Variants in AKAP9 observed in about 807,000 individuals in gnomAD.
The protein encoded by AKAP9 is A-kinase anchor protein 9.
In AKAP9, 311 loss-of-function variants were observed where a neutral mutation model predicts 488.5. The observed-to-expected ratio is 0.64, with a 90% CI of 0.58 to 0.70. AKAP9 has a LOEUF of 0.70. Ranked by LOEUF, AKAP9 falls within the 30% of genes least tolerant of loss-of-function variation. The probability of loss-of-function intolerance (pLI) is 0.00; values close to 1 mark genes in which losing one functional copy is unlikely to be tolerated. For missense variants in AKAP9, 4,215 were observed against 4,374.5 expected (o/e 0.96, Z 1.03); for synonymous variants, 1,462 against 1,483.5 (o/e 0.99, Z 0.33).
intron 1 of AKAP9, among the ~76,000 whole-genome samples, chr7:91,965,411 ATTTTCT>A (rs1315295547): frequency 1.3e-5 from 2 of 152,074 alleles, no homozygotes; most frequent in East Asian, 1.9e-4. Context: ...TACATACCAC[ATTTTCT>A]TTATCCGTTT....
chr7:91,972,856 A>G (rs1795258252), intron 1 of AKAP9, among the ~76,000 whole-genome samples: 1 of 152,232 alleles, frequency 6.6e-6, no homozygotes, highest in Non-Finnish European at 1.5e-5. Context: ...GATGATATGT[A>G]AACGATTAAG....
intron 1 of AKAP9, among the ~76,000 whole-genome samples, chr7:91,943,132 G>A (rs1019343524): frequency 1.3e-5 from 2 of 151,982 alleles, no homozygotes; most frequent in Admixed American, 6.6e-5. Flanking sequence ...CCAGGAGTTC[G>A]AGGCTGCAGT....
chr7:92,065,155 C>T, intron 24 of AKAP9, 76 bp from the exon 25 acceptor site: 1 of 942,644 alleles, frequency 1.1e-6, no homozygotes, highest in Non-Finnish European at 1.6e-6. Flanking sequence ...AAAATTTGGA[C>T]ATAGTTATCA....
intron 22 of AKAP9, among the ~76,000 whole-genome samples, chr7:92,053,539 C>T (rs137857676): frequency 1.2e-4 from 18 of 152,234 alleles, no homozygotes; most frequent in Non-Finnish European, 2.2e-4. Context: ...ATTCATTTCC[C>T]CAGGCCAAGA....
At chr7:92,068,098 A>T (rs1027190562) in intron 26 of AKAP9, among the ~76,000 whole-genome samples, 1 of 151,972 alleles carries the variant, frequency 6.6e-6, no homozygotes, top group Non-Finnish European at 1.5e-5. Context: ...TGATGGCTCA[A>T]GCCTGTAATC....
intron 24 of AKAP9, among the ~76,000 whole-genome samples, chr7:92,064,730 T>C (rs1487428411): frequency 1.3e-5 from 2 of 152,224 alleles, no homozygotes; most frequent in Admixed American, 6.5e-5. Context: ...ATTTCAATTA[T>C]AGCTGTATTT....
rs781615824 is a variant in AKAP9, at chr7:92,016,261, G to A, written c.3745G>A (p.Val1249Ile). Reference protein sequence around the residue: ...DPELQDYRYEVQDFQENMHTL... With the variant: ...DPELQDYRYEIQDFQENMHTL... Reference sequence around the variant, plus strand: ...AGAATTACAAGATTATAGATATGAAGTTCAAGGTAATAAAAGCTTACCATA... The same window carrying A: ...AGAATTACAAGATTATAGATATGAAATTCAAGGTAATAAAAGCTTACCATA... Residue 1249 changes from valine (V) to isoleucine (I), a missense_variant, in exon 11 of 50, where the codon GTT (valine) becomes ATT (isoleucine). By Grantham distance (29) the Val-to-Ile change is conservative. Coordinates refer to ENST00000356239, the MANE Select transcript of AKAP9 (RefSeq NM_005751.5). The A allele has an allele frequency of 1.3e-6, 2 of 1,534,482 alleles. No individual in the cohort carries two copies. Among genetic ancestry groups the A allele is most frequent in the East Asian group, 2.3e-5 (1 of 44,344 alleles).
intron 1 of AKAP9, among the ~76,000 whole-genome samples, chr7:91,957,304 G>A (rs1402984720): frequency 4.6e-5 from 7 of 152,188 alleles, no homozygotes; most frequent in East Asian, 1.9e-4. Flanking sequence ...GAATATATAT[G>A]ACAACTATTT....
chr7:91,961,730 G>C (rs1793756681), intron 1 of AKAP9, among the ~76,000 whole-genome samples: 2 of 151,774 alleles, frequency 1.3e-5, no homozygotes, highest in South Asian at 4.2e-4. Context: ...TGTAGTCCCA[G>C]CTACTCGGGA....
At chr7:92,003,296 G>A (rs1757477248) in intron 8 of AKAP9, 61 bp downstream of exon 8, 1 of 1,279,898 alleles carries the variant, frequency 7.8e-7, no homozygotes, top group African/African-American at 1.5e-5. Context: ...TTCACACTAA[G>A]GTTTCACCTT....
At chr7:92,066,577 C>G (rs373503638) in intron 26 of AKAP9, 31 bp downstream of exon 26, 3 of 1,611,596 alleles carry the variant, frequency 1.9e-6, no homozygotes, top group East Asian at 2.2e-5. Context: ...GCCCAACTTA[C>G]AGTAATTTGT....
rs935194798 is a variant in AKAP9 at position 92,093,234 on chromosome 7, A to T, written c.9496A>T (p.Ser3166Cys). 1 of 1,614,008 alleles carries T rather than the reference A, an allele frequency of 6.2e-7. No homozygotes were observed. Among genetic ancestry groups the T allele is most frequent in the Non-Finnish European group, 8.5e-7 (1 of 1,180,026 alleles). The change falls in exon 39 of 50, where the codon AGT becomes TGT. Residue 3166 changes from serine (S) to cysteine (C), a missense_variant. Coordinates refer to ENST00000356239, the MANE Select transcript of AKAP9 (RefSeq NM_005751.5). The stretch of plus-strand genomic sequence containing the variant: ...GAAAATGGTGGTTGCTGAACTGAAG[A>T]GTGAGCTTGCACAAACTAAATTGGA... ...SEKMVVAELK[S>C]ELAQTKLELE...
chr7:91,990,035 G>T (rs1414398373), intron 3 of AKAP9, among the ~76,000 whole-genome samples: 1 of 151,988 alleles, frequency 6.6e-6, no homozygotes, highest in Admixed American at 6.6e-5. Context: ...TACCTCACTT[G>T]TACTTTCCCA....
intron 7 of AKAP9, 36 bp from the exon 8 acceptor site, chr7:92,000,812 A>G (rs1799059714): frequency 1.7e-6 from 2 of 1,155,322 alleles, no homozygotes; most frequent in Non-Finnish European, 2.4e-6. Flanking sequence ...AGAAGCTAAA[A>G]ATGCCATTCT....
Position 91,995,757 on chromosome 7 carries a change from T to G in AKAP9, c.887T>G (p.Met296Arg). 2 of 1,612,464 alleles carry G rather than the reference T, an allele frequency of 1.2e-6. No individual in the cohort carries two copies. Among genetic ancestry groups the G allele is most frequent in the Middle Eastern group, 1.6e-4 (1 of 6,062 alleles). The part of the protein sequence containing the change: ...DYQKKKEDFT[M>R]QISFLQEKIK... ...CAGAAAAAGAAAGAAGACTTCACAA[T>G]GCAAATTAGTTTCTTGCAAGAGAAA... The change falls in exon 7 of 50, where the codon ATG (methionine) becomes AGG (arginine). Residue 296 changes from methionine (M) to arginine (R), a missense_variant. By Grantham distance (91) the Met-to-Arg change is moderately conservative. Around this residue, in one of 5 missense-constraint regions of AKAP9, gnomAD observed 2,361 missense variants for 2,430.0 expected, o/e 0.97. Coordinates refer to ENST00000356239, the MANE Select transcript of AKAP9 (RefSeq NM_005751.5).
At chr7:92,058,737 C>T (rs528259386) in intron 22 of AKAP9, among the ~76,000 whole-genome samples, 5 of 152,028 alleles carry the variant, frequency 3.3e-5, no homozygotes, top group Non-Finnish European at 7.4e-5. Flanking sequence ...TTGAGAGACT[C>T]GGTATTATGA....
chr7:92,034,060 G>C (rs566874793), intron 16 of AKAP9, among the ~76,000 whole-genome samples: 48 of 152,292 alleles, frequency 3.2e-4, no homozygotes, highest in African/African-American at 1.2e-3. Flanking sequence ...ATATAGGGTT[G>C]TCATGGAAGG....
At chr7:92,062,040 T>G (rs1223437767) in intron 23 of AKAP9, among the ~76,000 whole-genome samples, 2 of 152,132 alleles carry the variant, frequency 1.3e-5, no homozygotes, top group Non-Finnish European at 2.9e-5. Flanking sequence ...TATTAGAAAA[T>G]TCAGAGAAAT....
chr7:91,950,953 A>G lies in AKAP9; in HGVS notation c.48+9806A>G, dbSNP rs1792165292. Among the ~76,000 whole-genome samples the G allele has an allele frequency of 3.9e-5, 6 of 152,274 alleles. No individual in the cohort carries two copies. The East Asian group carries it at 1.2e-3, about 29-fold the overall frequency. On this transcript the variant is annotated intron_variant, in intron 1 of 49. Coordinates refer to ENST00000356239, the MANE Select transcript of AKAP9 (RefSeq NM_005751.5). ...TTTATATTTGCCAAAATAATATTTA[A>G]TTTTAATTTGTATAAATTCATTTCA... is the stretch of plus-strand genomic sequence containing the variant.
Sources: allele counts gnomAD v4.1 joint callset (sites outside exome capture counted in the v4.1 genomes callset), GRCh38; gene constraint gnomAD v4.1.1; regional missense constraint gnomAD v4.1.1; transcripts MANE v1.5; gene names NCBI Gene and HGNC (gene_info 2026-07-23, HGNC 2026-07-21).